TRMT44: variants seen among roughly 807,000 people sequenced by gnomAD.
TRMT44 encodes the protein tRNA methyltransferase 44 homolog.
In TRMT44, 78 loss-of-function variants were observed where a neutral mutation model predicts 77.3. The ratio of observed to expected loss-of-function variants is 1.01; its 90% CI spans 0.84 to 1.22. The LOEUF is 1.22. Ranked by LOEUF, TRMT44 falls within the 50% of genes most tolerant of loss-of-function variation. TRMT44 has a pLI of 0.00. For missense variants in TRMT44, 1,090 were observed against 964.4 expected, an observed-to-expected ratio of 1.13 and a Z score of -1.73; for synonymous variants, 391 against 383.3, an observed-to-expected ratio of 1.02 and a Z score of -0.23.
chr4:8,507,727 A>T, the TRMT44 span, among the ~76,000 whole-genome samples: 18 of 152,286 alleles, frequency 1.2e-4, no homozygotes, highest in African/African-American at 4.1e-4. Flanking sequence ...CTCCATGTAC[A>T]GACAGGAGTC....
the TRMT44 span, among the ~76,000 whole-genome samples, chr4:8,501,560 C>G: frequency 1.3e-5 from 2 of 152,172 alleles, no homozygotes; most frequent in Non-Finnish European, 2.9e-5. The surrounding 1 kb of genome is among the most constrained non-coding windows in gnomAD (Gnocchi z 4.4). Context: ...GGGCACTTGG[C>G]CACTGTGAGA....
At position 8,451,430 on chromosome 4, in the gene TRMT44, TGAG is replaced by T. The variant is rs1261266768; in HGVS notation, c.955-529_955-527del. ...TTCTGAACATGACTAATTTTAATAATGAGAGCTCATGTTTGCACAGCTAGTGCT... is the reference window on the plus strand; with the variant it reads ...TTCTGAACATGACTAATTTTAATAATAGCTCATGTTTGCACAGCTAGTGCT... On this transcript the variant is annotated intron_variant, in intron 3 of 10. Transcript: ENST00000389737. This position sits in a 1 kb window ranked among gnomAD's most constrained non-coding sequence, Gnocchi z 4.1. 6.6e-6 allele frequency among the ~76,000 whole-genome samples: 1 copy of T among 152,260 alleles called. No individual in the cohort carries two copies. Among genetic ancestry groups the T allele is most frequent in the African/African-American group, 2.4e-5 (1 of 41,468 alleles).
At chr4:8,487,616 G>T (rs892932749) in intron 2 of TRMT44, among the ~76,000 whole-genome samples, 12 of 151,990 alleles carry the variant, frequency 7.9e-5, no homozygotes, top group Admixed American at 1.3e-4. Context: ...GGGGTACAGA[G>T]ATAAGAGGTC....
intron 9 of TRMT44, among the ~76,000 whole-genome samples, chr4:8,468,797 C>G (rs944843445): frequency 2.0e-5 from 3 of 152,218 alleles, no homozygotes; most frequent in African/African-American, 4.8e-5. Flanking sequence ...AAAATTACAT[C>G]GATTGTTCTC....
At chr4:8,473,988 G>A (rs2109191629) in intron 10 of TRMT44, among the ~76,000 whole-genome samples, 1 of 152,348 alleles carries the variant, frequency 6.6e-6, no homozygotes, top group Non-Finnish European at 1.5e-5. Flanking sequence ...ACACCCTGCA[G>A]GTCCTGCTTC....
intron 7 of TRMT44, among the ~76,000 whole-genome samples, chr4:8,464,565 G>T (rs1038495054): frequency 6.6e-6 from 1 of 152,206 alleles, no homozygotes; most frequent in African/African-American, 2.4e-5. Context: ...GCTGCTCCTC[G>T]TTGACGTTTC....
At chr4:8,441,516 T>A in intron 1 of TRMT44, 75 bp downstream of exon 1, 1 of 1,422,070 alleles carries the variant, frequency 7.0e-7, no homozygotes, top group Non-Finnish European at 9.2e-7. Flanking sequence ...AATGAAAAAG[T>A]CCTAAGGGTA....
At chr4:8,506,226 A>G in the TRMT44 span, among the ~76,000 whole-genome samples, 4 of 152,152 alleles carry the variant, frequency 2.6e-5, no homozygotes, top group African/African-American at 9.7e-5. Context: ...CCTCCTTGAG[A>G]CCAGGGCACG....
chr4:8,446,637 AT>A lies in TRMT44; in HGVS notation c.734+50del, dbSNP rs1284029536. Reference sequence around the variant, plus strand: ...CCTAGTTTTATGGTTTCCATTGAGGATTTCTTTAGGTAGCCAAAGGATTCTG... The same window carrying A: ...CCTAGTTTTATGGTTTCCATTGAGGATTCTTTAGGTAGCCAAAGGATTCTG... On this transcript the variant is annotated intron_variant, in intron 2 of 10. Transcript: ENST00000389737. The surrounding 1 kb of genome is among the most constrained non-coding windows in gnomAD (Gnocchi z 4.3). 2 of 1,373,436 alleles carry A rather than the reference AT, an allele frequency of 1.5e-6. No homozygotes were observed. Among genetic ancestry groups the A allele is most frequent in the Non-Finnish European group, 2.0e-6 (2 of 1,008,562 alleles). The allele number at this position is 1,373,436 out of a possible 1,614,324, so 85.1% of individuals were successfully genotyped here. A position where few individuals can be genotyped will look rare whatever the true frequency, so the allele number is the denominator to read the frequency against.
rs1725436692 is a variant in TRMT44 at position 8,451,311 on chromosome 4, G to A, written c.955-649G>A. Reference sequence around the variant, plus strand: ...CTTTTGAAATTGTTTCTAGTGGGATGGTTCATCTGTATTGTCTAAGGCGCT... The same window carrying A: ...CTTTTGAAATTGTTTCTAGTGGGATAGTTCATCTGTATTGTCTAAGGCGCT... On this transcript the variant is annotated intron_variant, in intron 3 of 10. Transcript: ENST00000389737. The surrounding 1 kb of genome is among the most constrained non-coding windows in gnomAD (Gnocchi z 4.1). Among the ~76,000 whole-genome samples, 2 of 152,126 alleles carry A rather than the reference G, an allele frequency of 1.3e-5. No individual in the cohort carries two copies.
chr4:8,477,454 C>T (rs1379181879), downstream of TRMT44: 2 of 152,318 alleles, frequency 1.3e-5, no homozygotes, highest in Admixed American at 1.3e-4. Flanking sequence ...TGTCGAGCAG[C>T]TGCAGCTCTG....
chr4:8,490,602 G>A (rs1028239627), intron 2 of TRMT44, among the ~76,000 whole-genome samples: 1 of 151,616 alleles, frequency 6.6e-6, no homozygotes, highest in Admixed American at 6.6e-5. Context: ...CCGTGGGCTC[G>A]TGGTCTCTCT....
chr4:8,491,394 C>T (rs944871300), intron 2 of TRMT44, among the ~76,000 whole-genome samples: 3 of 152,240 alleles, frequency 2.0e-5, no homozygotes, highest in Non-Finnish European at 2.9e-5. Flanking sequence ...CCTGCCAGTG[C>T]CACGCTGTGC....
chr4:8,491,404 C>T (rs1178344632), intron 2 of TRMT44, among the ~76,000 whole-genome samples: 3 of 152,238 alleles, frequency 2.0e-5, no homozygotes, highest in East Asian at 1.9e-4. Flanking sequence ...CCACGCTGTG[C>T]GCTCGCACTC....
chr4:8,441,579 G>T, intron 1 of TRMT44, 138 bp downstream of exon 1: 1 of 1,024,872 alleles, frequency 9.8e-7, no homozygotes, highest in South Asian at 2.1e-5. Context: ...ATAGTTTTTT[G>T]AGTGGGCGCA....
intron 6 of TRMT44, among the ~76,000 whole-genome samples, chr4:8,459,749 A>C (rs1726034162): frequency 6.6e-6 from 1 of 152,144 alleles, no homozygotes. Context: ...CACATATTTG[A>C]GTGTCCCCTA....
chr4:8,480,162 A>G (rs1727568353), downstream of TRMT44, among the ~76,000 whole-genome samples: 1 of 152,212 alleles, frequency 6.6e-6, no homozygotes, highest in South Asian at 2.1e-4. Context: ...CCTCCTTGGA[A>G]GAAAGAATTC....
rs370184875 is a variant in TRMT44 at position 8,475,750 on chromosome 4, T to C, written c.2045-22T>C. 5 of 1,611,108 alleles carry C rather than the reference T, an allele frequency of 3.1e-6. No homozygotes were observed. In the African/African-American group the frequency reaches 6.7e-5, roughly 22 times the overall value. ...ACTTTCAGGTTTACTTCTCAGTGTG[T>C]CTTCTCTGTTCCAAACCACAGTTGT... is the stretch of plus-strand genomic sequence containing the variant. On this transcript the variant is annotated intron_variant, in intron 10 of 10. Coordinates refer to ENST00000389737, the MANE Select transcript of TRMT44 (RefSeq NM_152544.3).
chr4:8,447,881 C>G (rs751650594), intron 2 of TRMT44, among the ~76,000 whole-genome samples: 8 of 152,184 alleles, frequency 5.3e-5, no homozygotes, highest in Non-Finnish European at 1.2e-4. Flanking sequence ...GCCCATTAGC[C>G]AGAAAGTGGT....
Sources: allele counts gnomAD v4.1 joint callset (sites outside exome capture counted in the v4.1 genomes callset), GRCh38; gene constraint gnomAD v4.1.1; non-coding constraint Gnocchi (gnomAD v3.1); transcripts MANE v1.5; gene names NCBI Gene and HGNC (gene_info 2026-07-23, HGNC 2026-07-21).